LIPG: variants seen among roughly 807,000 people sequenced by gnomAD.
LIPG encodes lipase G, endothelial type.
In LIPG, 34 loss-of-function variants were observed where a neutral mutation model predicts 51.8. The observed-to-expected ratio is 0.66, with a 90% CI of 0.50 to 0.87. The LOEUF is 0.87. Among genes scored for constraint, LIPG ranks in the 40% least tolerant of loss-of-function variants. The pLI is 0.00. For missense variants in LIPG, 580 were observed against 652.7 expected (o/e 0.89, Z 1.21); for synonymous variants, 246 against 246.1 (o/e 1.00, Z 0.00).
chr18:49,580,867 C>T (rs968127016), intron 5 of LIPG, among the ~76,000 whole-genome samples: 2 of 152,152 alleles, frequency 1.3e-5, no homozygotes, highest in African/African-American at 2.4e-5. Context: ...TGTATTCGTG[C>T]TGTCTTCCCA....
At chr18:49,581,271 A>C in intron 5 of LIPG, 144 bp from the exon 6 acceptor site, 1 of 1,294,418 alleles carries the variant, frequency 7.7e-7, no homozygotes, top group Non-Finnish European at 1.1e-6. Flanking sequence ...TCTCAACACA[A>C]ATAAACAAGC....
rs1246892133 is a variant in LIPG at position 49,581,906 on chromosome 18, T to C, written c.1036+249T>C. ...ATATCAATATCTTAAATTTCTATCT[T>C]GCATTTAACTTTCAAAGCTGTTTCA... On this transcript the variant is annotated intron_variant, in intron 6 of 9. Transcript: ENST00000261292. The C allele has an allele frequency of 8.3e-6, 5 of 600,872 alleles. No individual in the cohort carries two copies. In the African/African-American group the frequency reaches 9.3e-5, roughly 11 times the overall value. The allele number at this position is 600,872 out of a possible 1,614,324, so 37.2% of individuals were successfully genotyped here. A position where few individuals can be genotyped will look rare whatever the true frequency, so the allele number is the denominator to read the frequency against.
chr18:49,581,336 G>A lies in LIPG; in HGVS notation c.794-79G>A, dbSNP rs1230619634. 3 of 1,539,758 alleles carry A rather than the reference G, an allele frequency of 1.9e-6. No homozygotes were observed. The Admixed American group carries it at 5.0e-5, about 26-fold the overall frequency. ...ACAATAAACAGCTATCACTGTTGAGGAGTACAGTATTTATTATTTGAGTGT... is the reference window on the plus strand; with the variant it reads ...ACAATAAACAGCTATCACTGTTGAGAAGTACAGTATTTATTATTTGAGTGT... On this transcript the variant is annotated intron_variant, in intron 5 of 9. Transcript: ENST00000261292.
chr18:49,561,865 G>C (rs1236692930), upstream of LIPG: 1 of 1,267,076 alleles, frequency 7.9e-7, no homozygotes, highest in Non-Finnish European at 9.9e-7. Context: ...GGGAGGAAGC[G>C]GGGCCGAGCG....
chr18:49,572,320 CAAAAATA>C (rs56082307), intron 4 of LIPG, among the ~76,000 whole-genome samples: 33,353 of 149,820 alleles, frequency 0.22, 4,079 homozygotes, highest in Non-Finnish European at 0.28. Flanking sequence ...GACTCTGTCT[CAAAAATA>C]AAAAATAAAA....
At chr18:49,585,429 GAGT>G (rs1234640848) in intron 8 of LIPG, among the ~76,000 whole-genome samples, 3 of 152,210 alleles carry the variant, frequency 2.0e-5, no homozygotes, top group Non-Finnish European at 4.4e-5. Flanking sequence ...AATTTTACAT[GAGT>G]GGACATAATA....
At chr18:49,581,340 A>G in intron 5 of LIPG, 75 bp from the exon 6 acceptor site, 1 of 1,558,524 alleles carries the variant, frequency 6.4e-7, no homozygotes, top group Non-Finnish European at 8.8e-7. Flanking sequence ...GTTGAGGAGT[A>G]CAGTATTTAT....
chr18:49,565,537 T>C, intron 2 of LIPG, 39 bp downstream of exon 2: 9 of 1,606,646 alleles, frequency 5.6e-6, no homozygotes, highest in Non-Finnish European at 7.7e-6. Flanking sequence ...TTATATAAGA[T>C]TTGATTCCCT....
chr18:49,583,777 A>G lies in LIPG; in HGVS notation c.1376+3A>G. On this transcript the variant is annotated splice_donor_region_variant and intron_variant, in intron 8 of 9. Coordinates refer to ENST00000261292, the MANE Select transcript of LIPG (RefSeq NM_006033.4). ...AAGTCTGGGGAAACCCAGCGGAAGT[A>G]AGTGCCTCCTGCTCCTTCTTCTGCC... 1 of 1,608,336 alleles carries G rather than the reference A, an allele frequency of 6.2e-7. No homozygotes were observed. The highest frequency in any genetic ancestry group is 1.1e-5 in the South Asian group (1 of 90,350).
intron 1 of LIPG, among the ~76,000 whole-genome samples, chr18:49,565,098 A>G (rs2084588478): frequency 6.6e-6 from 1 of 152,254 alleles, no homozygotes; most frequent in Non-Finnish European, 1.5e-5. Context: ...AGTAATTAAT[A>G]CTAGTGACTA....
rs1032767433 is a variant in LIPG, at chr18:49,593,930, G to A, written c.*3408G>A. 6.6e-6 allele frequency: 1 copy of A among 152,116 alleles called. No homozygotes were observed. Among genetic ancestry groups the A allele is most frequent in the East Asian group, 1.9e-4 (1 of 5,196 alleles). The allele number at this position is 152,116 out of a possible 1,614,324, so 9.4% of individuals were successfully genotyped here. A position where few individuals can be genotyped will look rare whatever the true frequency, so the allele number is the denominator to read the frequency against. On this transcript the variant is annotated 3_prime_UTR_variant, in exon 10 of 10. Coordinates refer to ENST00000261292, the MANE Select transcript of LIPG (RefSeq NM_006033.4). ...AATAGTGATGTTTCGATACATACAA[G>A]GTATAGTGATCATGTTGGAATAATT...
chr18:49,584,552 G>A (rs958872467), intron 8 of LIPG, among the ~76,000 whole-genome samples: 1 of 152,232 alleles, frequency 6.6e-6, no homozygotes, highest in Admixed American at 6.5e-5. Flanking sequence ...GGCATGGGAG[G>A]AGGCAGCTGC....
intron 4 of LIPG, among the ~76,000 whole-genome samples, chr18:49,571,278 G>A (rs1351681093): frequency 1.3e-5 from 2 of 152,206 alleles, no homozygotes; most frequent in Non-Finnish European, 2.9e-5. Context: ...AGTTCAAATT[G>A]TAGCACACAC....
In LIPG at chr18:49,582,490, A is replaced by C; in HGVS notation, c.1157+8A>C. ...GACTCTGCCACTGGAAATGTAAGTCATCCGTTTCCCTTGCTGGGTTCGGGA... is the reference window on the plus strand; with the variant it reads ...GACTCTGCCACTGGAAATGTAAGTCCTCCGTTTCCCTTGCTGGGTTCGGGA... On this transcript the variant is annotated splice_region_variant and intron_variant, in intron 7 of 9. Transcript: ENST00000261292. 1 of 1,614,224 alleles carries C rather than the reference A, an allele frequency of 6.2e-7. No individual in the cohort carries two copies. Among genetic ancestry groups the C allele is most frequent in the Non-Finnish European group, 8.5e-7 (1 of 1,180,040 alleles).
At chr18:49,589,042 A>G (rs1191569323) in intron 9 of LIPG, among the ~76,000 whole-genome samples, 1 of 152,138 alleles carries the variant, frequency 6.6e-6, no homozygotes, top group African/African-American at 2.4e-5. Context: ...CAGCAATGGC[A>G]GAGGGAGTTG....
In LIPG at chr18:49,579,792, T is replaced by C. The variant is rs933226654; in HGVS notation, c.794-1623T>C. On this transcript the variant is annotated intron_variant, in intron 5 of 9. Coordinates refer to ENST00000261292, the MANE Select transcript of LIPG (RefSeq NM_006033.4). ...TCTTTTCTTTTCTTTTCTTTTCTTT[T>C]CTTTTCTTTTCTTTTCTTTTCTTTT... Among the ~76,000 whole-genome samples the C allele has an allele frequency of 1.1e-3, 153 of 139,736 alleles. 1 individual carries two copies. Among genetic ancestry groups the C allele is most frequent in the African/African-American group, 3.2e-3 (105 of 32,374 alleles). The allele number at this position is 139,736 out of a possible 152,430, so 91.7% of individuals were successfully genotyped here.
intron 8 of LIPG, among the ~76,000 whole-genome samples, chr18:49,584,687 C>G (rs910400882): frequency 1.3e-5 from 2 of 152,174 alleles, no homozygotes; most frequent in Non-Finnish European, 2.9e-5. Flanking sequence ...GAGCCCTCAG[C>G]TGAATGATTC....
At chr18:49,568,539 C>A (rs994612188) in intron 3 of LIPG, among the ~76,000 whole-genome samples, 1 of 151,990 alleles carries the variant, frequency 6.6e-6, no homozygotes, top group Non-Finnish European at 1.5e-5. Flanking sequence ...AGCCACCATG[C>A]CCAATTAATT....
chr18:49,585,800 T>C (rs2084874175), intron 8 of LIPG, among the ~76,000 whole-genome samples: 1 of 152,220 alleles, frequency 6.6e-6, no homozygotes, highest in African/African-American at 2.4e-5. Flanking sequence ...AAGAGTTCCC[T>C]TTTCCCTCCT....
Sources: allele counts gnomAD v4.1 joint callset (sites outside exome capture counted in the v4.1 genomes callset), GRCh38; gene constraint gnomAD v4.1.1; transcripts MANE v1.5; gene names NCBI Gene and HGNC (gene_info 2026-07-23, HGNC 2026-07-21).